OXR1: variants seen among roughly 807,000 people sequenced by gnomAD.
OXR1 encodes oxidation resistance protein 1.
A neutral mutation model predicts 104.6 loss-of-function variants in OXR1; 41 were observed. The ratio of observed to expected loss-of-function variants is 0.39; its 90% CI spans 0.31 to 0.51. The LOEUF is 0.51. Among genes scored for constraint, OXR1 ranks in the 20% least tolerant of loss-of-function variants. The pLI is 0.77. For missense variants in OXR1, 955 were observed against 1,031.9 expected (o/e 0.93, Z 1.02); for synonymous variants, 348 against 348.4 (o/e 1.00, Z 0.01).
At chr8:106,399,670 A>G (rs78350687) in intron 2 of OXR1, among the ~76,000 whole-genome samples, 3 of 152,312 alleles carry the variant, frequency 2.0e-5, no homozygotes, top group Non-Finnish European at 4.4e-5. Flanking sequence ...AGGAAATGTA[A>G]TTCCCACTTT....
At chr8:106,524,682 G>A (rs1027479361) in intron 3 of OXR1, among the ~76,000 whole-genome samples, 22 of 152,318 alleles carry the variant, frequency 1.4e-4, no homozygotes, top group South Asian at 4.1e-4. Context: ...CATCGTATGC[G>A]TTGGGAAAGA....
intron 3 of OXR1, among the ~76,000 whole-genome samples, chr8:106,521,499 C>T (rs548633624): frequency 3.5e-4 from 42 of 119,428 alleles, no homozygotes; most frequent in Non-Finnish European, 3.3e-4. Flanking sequence ...GCCATCCCTG[C>T]GCTATAATAA....
chr8:106,337,378 C>G (rs1399317599), intron 1 of OXR1, among the ~76,000 whole-genome samples: 2 of 152,202 alleles, frequency 1.3e-5, no homozygotes, highest in Non-Finnish European at 2.9e-5. Context: ...CCTGTAAATG[C>G]TTGACATTTT....
chr8:106,649,266 G>C (rs888101680), intron 3 of OXR1, among the ~76,000 whole-genome samples: 6 of 151,694 alleles, frequency 4.0e-5, no homozygotes, highest in African/African-American at 1.5e-4. Context: ...CATTTGTGTG[G>C]GTTTTTTTTT....
At chr8:106,604,537 G>A (rs1235285997) in intron 3 of OXR1, among the ~76,000 whole-genome samples, 2 of 152,142 alleles carry the variant, frequency 1.3e-5, no homozygotes, top group African/African-American at 4.8e-5. Flanking sequence ...GCATTAAAAA[G>A]CACTGCTTTT....
Position 106,467,252 on chromosome 8 carries a change from C to T in OXR1, c.24-51691C>T, listed in dbSNP as rs117867738. Among the ~76,000 whole-genome samples the T allele has an allele frequency of 7.3e-3, 1,116 of 152,026 alleles. 11 individuals are homozygous for T. The highest frequency in any genetic ancestry group is 0.026 in the South Asian group (126 of 4,822). On this transcript the variant is annotated intron_variant, in intron 2 of 16. Coordinates refer to ENST00000517566, the MANE Select transcript of OXR1 (RefSeq NM_001198533.2). ...TTAGCAAACAACAAGCAATTATTAT[C>T]ATGTTCATGAAGAGTGGGCTTTTTT...
intron 1 of OXR1, among the ~76,000 whole-genome samples, chr8:106,297,251 A>G (rs1279630270): frequency 2.0e-5 from 3 of 152,208 alleles, no homozygotes; most frequent in Non-Finnish European, 4.4e-5. Flanking sequence ...TTTGTCTTTG[A>G]TTATATAATT....
At chr8:106,506,055 T>C (rs980129154) in intron 2 of OXR1, among the ~76,000 whole-genome samples, 36 of 151,848 alleles carry the variant, frequency 2.4e-4, no homozygotes, top group Admixed American at 7.9e-4. Flanking sequence ...ATAGAAAGGG[T>C]TTATTGATGA....
chr8:106,303,360 T>G (rs1300754801), intron 1 of OXR1, among the ~76,000 whole-genome samples: 2 of 149,848 alleles, frequency 1.3e-5, no homozygotes, highest in Non-Finnish European at 3.0e-5. Flanking sequence ...GTCACACCAT[T>G]CTCCTGCCTC....
chr8:106,721,570 C>T (rs1198931873), intron 11 of OXR1, among the ~76,000 whole-genome samples: 1 of 152,102 alleles, frequency 6.6e-6, no homozygotes, highest in Non-Finnish European at 1.5e-5. Flanking sequence ...AAAAGACATT[C>T]TGTACAGTTT....
chr8:106,468,532 C>G (rs1299101614), intron 2 of OXR1, among the ~76,000 whole-genome samples: 2 of 151,718 alleles, frequency 1.3e-5, no homozygotes, highest in Non-Finnish European at 2.9e-5. Flanking sequence ...ACAAGTATGT[C>G]AACGTGGTGG....
intron 2 of OXR1, among the ~76,000 whole-genome samples, chr8:106,411,016 G>A (rs1818436292): frequency 6.6e-6 from 1 of 152,090 alleles, no homozygotes; most frequent in South Asian, 2.1e-4. Context: ...GGTTATAACA[G>A]CAAATAAACC....
intron 4 of OXR1, among the ~76,000 whole-genome samples, chr8:106,681,052 A>T (rs1199880287): frequency 6.6e-6 from 1 of 152,002 alleles, no homozygotes; most frequent in African/African-American, 2.4e-5. Flanking sequence ...ATTACTTTAA[A>T]CCTTATCTTT....
At chr8:106,284,377 A>T (rs1213747946) in intron 1 of OXR1, among the ~76,000 whole-genome samples, 3 of 152,042 alleles carry the variant, frequency 2.0e-5, no homozygotes, top group African/African-American at 7.2e-5. Context: ...TGAGTGTGGG[A>T]CCAGATGGAG....
chr8:106,441,854 G>A (rs138461791), intron 2 of OXR1, among the ~76,000 whole-genome samples: 82 of 152,178 alleles, frequency 5.4e-4, no homozygotes, highest in Non-Finnish European at 8.8e-4. Flanking sequence ...AAGACATGTC[G>A]TCTGCAAACA....
At chr8:106,450,914 A>G (rs1820278739) in intron 2 of OXR1, among the ~76,000 whole-genome samples, 1 of 152,128 alleles carries the variant, frequency 6.6e-6, no homozygotes, top group African/African-American at 2.4e-5. Context: ...TCTAGAACTG[A>G]AGCAAATTTG....
chr8:106,630,306 T>C (rs1257494816), intron 3 of OXR1, among the ~76,000 whole-genome samples: 1 of 152,240 alleles, frequency 6.6e-6, no homozygotes, highest in African/African-American at 2.4e-5. Context: ...TAAATAGGGC[T>C]GAACTCATTC....
intron 2 of OXR1, among the ~76,000 whole-genome samples, chr8:106,369,323 A>G (rs1816611464): frequency 6.6e-6 from 1 of 152,186 alleles, no homozygotes; most frequent in Non-Finnish European, 1.5e-5. Flanking sequence ...GTAGATTGCA[A>G]AAATTTTCTC....
Position 106,291,424 on chromosome 8 carries a change from A to G in OXR1, c.-139+21057A>G, listed in dbSNP as rs538866676. Among the ~76,000 whole-genome samples, 32 of 152,310 alleles carry G rather than the reference A, an allele frequency of 2.1e-4. 1 individual carries two copies. The Middle Eastern group carries it at 0.01, about 49-fold the overall frequency. The stretch of plus-strand genomic sequence containing the variant: ...AAATAAAAGTACAACAAAAAGTCTC[A>G]GTGGAAACCATTATAAATGCAAGAT... On this transcript the variant is annotated intron_variant, in intron 1 of 16. Transcript: ENST00000517566.
Sources: allele counts gnomAD v4.1 joint callset (sites outside exome capture counted in the v4.1 genomes callset), GRCh38; gene constraint gnomAD v4.1.1; transcripts MANE v1.5; gene names NCBI Gene and HGNC (gene_info 2026-07-23, HGNC 2026-07-21).